The following CSNK1E variants were observed in gnomAD, a reference collection of about 807,000 sequenced individuals.
The protein encoded by CSNK1E is casein kinase I isoform epsilon.
Under a neutral mutation model 46.1 loss-of-function variants are expected in CSNK1E, and 17 were observed. The ratio of observed to expected loss-of-function variants is 0.37; its 90% confidence interval spans 0.25 to 0.55. The LOEUF is 0.55. CSNK1E is among the 20% of genes least tolerant of loss of function. The probability of loss-of-function intolerance (pLI) is 0.82; values close to 1 mark genes in which losing one functional copy is unlikely to be tolerated. For synonymous variants in CSNK1E, 241 were observed against 242.6 expected (o/e 0.99, Z 0.06); for missense variants, 386 against 595.4 (o/e 0.65, Z 3.66).
rs2092681716 is a variant in CSNK1E, at chr22:38,303,072, C to T, written c.188-63G>A. The T allele has an allele frequency of 8.1e-6, 13 of 1,600,808 alleles. No homozygotes were observed. Among genetic ancestry groups the T allele is most frequent in the Non-Finnish European group, 8.5e-7 (1 of 1,173,558 alleles). On this transcript the variant is annotated intron_variant, in intron 3 of 10. Coordinates refer to ENST00000396832, the MANE Select transcript of CSNK1E (RefSeq NM_152221.3). The surrounding 1 kb of genome is among the most constrained non-coding windows in gnomAD (Gnocchi z 4.7). ...GGCAGGCAGCCAGCCACGCCCGGCC[C>T]ACCCTGTGCTCATGGCTGCCCACCG...
intron 7 of CSNK1E, chr22:38,297,588 G>C (rs2092647711): frequency 2.0e-6 from 2 of 999,356 alleles, no homozygotes; most frequent in Non-Finnish European, 2.4e-6. Context: ...TGCCATGAAA[G>C]AGGCACACCA....
rs553507080 is a variant in CSNK1E, at chr22:38,294,673, G to A, written c.886-139C>T. On this transcript the variant is annotated intron_variant, in intron 7 of 10. Coordinates refer to ENST00000396832, the MANE Select transcript of CSNK1E (RefSeq NM_152221.3). The surrounding 1 kb of genome is among the most constrained non-coding windows in gnomAD (Gnocchi z 5.5). Reference sequence around the variant, plus strand: ...TTCTGCTCCAGCCTCCCTGACAAGCGCGGGAAGCCAAGACCCACAATCACA... The same window carrying A: ...TTCTGCTCCAGCCTCCCTGACAAGCACGGGAAGCCAAGACCCACAATCACA... 173 of 798,080 alleles carry A rather than the reference G, an allele frequency of 2.2e-4. 3 individuals are homozygous for A. In the South Asian group the frequency reaches 2.8e-3, roughly 13 times the overall value. The allele number at this position is 798,080 out of a possible 1,614,324, so 49.4% of individuals were successfully genotyped here.
chr22:38,300,703 C>T lies in CSNK1E; in HGVS notation c.565+21G>A, dbSNP rs1434199331. On this transcript the variant is annotated intron_variant, in intron 5 of 10. Coordinates refer to ENST00000396832, the MANE Select transcript of CSNK1E (RefSeq NM_152221.3). This position sits in a 1 kb window ranked among gnomAD's most constrained non-coding sequence, Gnocchi z 4.4. ...AGCCAGTGGCCCCGGGTGCACACTG[C>T]TCCAGGCCTGGCTCCCTCACCAATG... 6.2e-7 allele frequency: 1 copy of T among 1,611,662 alleles called. No individual in the cohort carries two copies. The highest frequency in any genetic ancestry group is 8.5e-7 in the Non-Finnish European group (1 of 1,178,032).
intron 2 of CSNK1E, among the ~76,000 whole-genome samples, chr22:38,313,394 A>C (rs2092729369): frequency 6.6e-6 from 1 of 152,206 alleles, no homozygotes; most frequent in Admixed American, 6.5e-5. Flanking sequence ...AATAAGCACA[A>C]AGGAAGGGCC....
At chr22:38,307,454 G>A (rs1033104981) in intron 2 of CSNK1E, among the ~76,000 whole-genome samples, 4 of 152,078 alleles carry the variant, frequency 2.6e-5, no homozygotes, top group Non-Finnish European at 4.4e-5. Context: ...AGGAGGCTGA[G>A]GTAGGAGAAT....
intron 9 of CSNK1E, among the ~76,000 whole-genome samples, chr22:38,293,662 TG>T (rs2092623974): frequency 6.6e-6 from 1 of 152,106 alleles, no homozygotes; most frequent in African/African-American, 2.4e-5. Context: ...CCACCTGCCC[TG>T]GGCAACTACA....
intron 4 of CSNK1E, among the ~76,000 whole-genome samples, chr22:38,301,499 C>T (rs1456633829): frequency 6.6e-6 from 1 of 152,020 alleles, no homozygotes. Context: ...GTGGCAAAAT[C>T]TCGGCTCACT....
chr22:38,303,284 C>T lies in CSNK1E; in HGVS notation c.77-36G>A, dbSNP rs745484056. ...CAGGGAGGCAAGGGACCAGGGTCAC[C>T]CTCAAAGGCCAGGCAGTCCCAGGCG... On this transcript the variant is annotated intron_variant, in intron 2 of 10. Coordinates refer to ENST00000396832, the MANE Select transcript of CSNK1E (RefSeq NM_152221.3). This position sits in a 1 kb window ranked among gnomAD's most constrained non-coding sequence, Gnocchi z 4.7. The T allele has an allele frequency of 2.0e-5, 31 of 1,545,002 alleles. 1 individual carries two copies. The South Asian group carries it at 3.1e-4, about 16-fold the overall frequency.
At chr22:38,315,710 T>C (rs1244228662) in intron 1 of CSNK1E, among the ~76,000 whole-genome samples, 2 of 146,970 alleles carry the variant, frequency 1.4e-5, no homozygotes, top group Non-Finnish European at 3.0e-5. Flanking sequence ...AGACCACACA[T>C]GGCAGCCAGG....
Position 38,290,828 on chromosome 22 carries a change from A to G in CSNK1E, c.*1143T>C, listed in dbSNP as rs9607526. ...TTTTTTTTTTTCAGTTTTTTAAATT[A>G]CAAAGTAATAAAAAGCTTTGCTCTT... On this transcript the variant is annotated 3_prime_UTR_variant, in exon 11 of 11. Transcript: ENST00000396832. 1.3e-5 allele frequency: 2 copies of G among 152,010 alleles called. No homozygotes were observed. Among genetic ancestry groups the G allele is most frequent in the East Asian group, 3.9e-4 (2 of 5,188 alleles). The allele number at this position is 152,010 out of a possible 1,614,324, so 9.4% of individuals were successfully genotyped here.
chr22:38,295,443 C>T (rs147732298), intron 7 of CSNK1E: 4 of 975,792 alleles, frequency 4.1e-6, no homozygotes, highest in East Asian at 2.3e-4. Flanking sequence ...GGAAGGGGGC[C>T]GCATCTGTGG....
Position 38,291,319 on chromosome 22 carries a change from G to T in CSNK1E, c.*652C>A, listed in dbSNP as rs537076502. 2.0e-5 allele frequency: 3 copies of T among 148,322 alleles called. No homozygotes were observed. The Admixed American group carries it at 2.1e-4, about 10-fold the overall frequency. The allele number at this position is 148,322 out of a possible 1,614,324, so 9.2% of individuals were successfully genotyped here. A position where few individuals can be genotyped will look rare whatever the true frequency, so the allele number is the denominator to read the frequency against. On this transcript the variant is annotated 3_prime_UTR_variant, in exon 11 of 11. Transcript: ENST00000396832. ...CGGGCCGTGGCACCTGCTGTCTTGG[G>T]AAACACAGGTCAATACATCCACACA...
intron 4 of CSNK1E, among the ~76,000 whole-genome samples, chr22:38,301,887 C>T (rs915506771): frequency 4.6e-5 from 7 of 152,142 alleles, no homozygotes; most frequent in African/African-American, 1.4e-4. Flanking sequence ...CAGCCTACAT[C>T]GCAGGGCTTT....
intron 2 of CSNK1E, among the ~76,000 whole-genome samples, chr22:38,304,019 T>C (rs1354189068): frequency 6.6e-6 from 1 of 152,198 alleles, no homozygotes; most frequent in Non-Finnish European, 1.5e-5. Flanking sequence ...CTGGGCCCAC[T>C]GCCCAACTCA....
At chr22:38,312,697 T>G (rs992872436) in intron 2 of CSNK1E, among the ~76,000 whole-genome samples, 1 of 152,208 alleles carries the variant, frequency 6.6e-6, no homozygotes, top group African/African-American at 2.4e-5. Flanking sequence ...TACAAAATAC[T>G]TTCCCATCTG....
At chr22:38,304,473 C>G (rs977019278) in intron 2 of CSNK1E, among the ~76,000 whole-genome samples, 2 of 152,140 alleles carry the variant, frequency 1.3e-5, no homozygotes, top group East Asian at 3.8e-4. Flanking sequence ...CAAACGCTCG[C>G]CCAAGCAACC....
chr22:38,293,133 C>T, intron 10 of CSNK1E, 122 bp downstream of exon 10: 1 of 813,262 alleles, frequency 1.2e-6, no homozygotes, highest in Non-Finnish European at 2.1e-6. Flanking sequence ...TTCTGGGGCG[C>T]CTGGTACCAT....
chr22:38,300,640 A>G lies in CSNK1E; in HGVS notation c.565+84T>C. The G allele has an allele frequency of 1.5e-6, 2 of 1,321,474 alleles. No homozygotes were observed. Among genetic ancestry groups the G allele is most frequent in the Non-Finnish European group, 1.1e-6 (1 of 945,020 alleles). The allele number at this position is 1,321,474 out of a possible 1,614,324, so 81.9% of individuals were successfully genotyped here. ...AGAAAAGAGCCTGGGGGCCTCCATCAGGGTAGGGGGTGAGAGGGCTCCAGA... is the reference window on the plus strand; with the variant it reads ...AGAAAAGAGCCTGGGGGCCTCCATCGGGGTAGGGGGTGAGAGGGCTCCAGA... On this transcript the variant is annotated intron_variant, in intron 5 of 10. Transcript: ENST00000396832. The surrounding 1 kb of genome is among the most constrained non-coding windows in gnomAD (Gnocchi z 4.4).
At chr22:38,299,870 T>G (rs1366237931) in intron 6 of CSNK1E, 25 bp downstream of exon 6, 1 of 1,608,816 alleles carries the variant, frequency 6.2e-7, no homozygotes, top group South Asian at 1.1e-5. Flanking sequence ...CCCCCAGGCA[T>G]GTCCCCTCCC....
Sources: allele counts gnomAD v4.1 joint callset (sites outside exome capture counted in the v4.1 genomes callset), GRCh38; gene constraint gnomAD v4.1.1; non-coding constraint Gnocchi (gnomAD v3.1); transcripts MANE v1.5; gene names NCBI Gene and HGNC (gene_info 2026-07-23, HGNC 2026-07-21).